Variants in ELAPOR2 observed in about 807,000 individuals in gnomAD.
The protein encoded by ELAPOR2 is endosome-lysosome associated apoptosis and autophagy regulator family member 2.
Under a neutral mutation model 120.7 loss-of-function variants are expected in ELAPOR2, and 89 were observed. The ratio of observed to expected loss-of-function variants is 0.74; its 90% CI spans 0.62 to 0.88. The LOEUF (loss-of-function observed/expected upper bound fraction) is 0.88, where lower values mean the gene tolerates loss of function less well. ELAPOR2 is among the 40% of genes least tolerant of loss of function. The pLI is 0.00. For missense variants in ELAPOR2, 1,134 were observed against 1,251.6 expected (o/e 0.91, Z 1.42); for synonymous variants, 444 against 444.9 (o/e 1.00, Z 0.03).
At chr7:86,948,197 A>G (rs1334443948) in intron 2 of ELAPOR2, among the ~76,000 whole-genome samples, 1 of 152,072 alleles carries the variant, frequency 6.6e-6, no homozygotes. Context: ...CTTCTTTCCT[A>G]CAAGATAGAT....
intron 1 of ELAPOR2, among the ~76,000 whole-genome samples, chr7:87,017,805 C>T (rs1246579921): frequency 2.6e-5 from 4 of 152,068 alleles, no homozygotes; most frequent in African/African-American, 7.2e-5. Context: ...CCTGTAGTCC[C>T]AGCTACTCAG....
intron 1 of ELAPOR2, among the ~76,000 whole-genome samples, chr7:86,990,300 G>A (rs990675835): frequency 1.3e-5 from 2 of 151,952 alleles, no homozygotes; most frequent in African/African-American, 4.8e-5. Flanking sequence ...TGCCTGCCTC[G>A]GCCTCCCAAA....
At chr7:87,039,464 T>C (rs1450253952) in intron 1 of ELAPOR2, among the ~76,000 whole-genome samples, 3 of 152,092 alleles carry the variant, frequency 2.0e-5, no homozygotes, top group Non-Finnish European at 2.9e-5. Context: ...TAAAAAAAAC[T>C]ACAGGCCAAT....
chr7:86,884,800 T>G (rs536630704), intron 21 of ELAPOR2, among the ~76,000 whole-genome samples: 2 of 152,090 alleles, frequency 1.3e-5, no homozygotes, highest in South Asian at 4.1e-4. Context: ...ACTCAATGAC[T>G]GTTTGGTAAG....
intron 15 of ELAPOR2, among the ~76,000 whole-genome samples, chr7:86,910,286 C>A (rs1043448279): frequency 8.5e-5 from 13 of 152,076 alleles, no homozygotes; most frequent in African/African-American, 3.1e-4. Flanking sequence ...AAATGAAAGT[C>A]ATCAAACTTG....
chr7:86,933,331 C>T (rs535317720), intron 8 of ELAPOR2, among the ~76,000 whole-genome samples: 1 of 151,956 alleles, frequency 6.6e-6, no homozygotes, highest in South Asian at 2.1e-4. Context: ...TAACTCTTGC[C>T]CAGTGTCACT....
At chr7:86,970,427 T>C (rs942707914) in intron 1 of ELAPOR2, among the ~76,000 whole-genome samples, 1 of 152,216 alleles carries the variant, frequency 6.6e-6, no homozygotes, top group African/African-American at 2.4e-5. Flanking sequence ...AACCTTGTAT[T>C]TGATGAGACC....
intron 21 of ELAPOR2, among the ~76,000 whole-genome samples, chr7:86,886,423 A>G (rs771445004): frequency 5.3e-5 from 8 of 152,090 alleles, no homozygotes; most frequent in Non-Finnish European, 1.2e-4. Context: ...CATAATGACA[A>G]CTTTGTGATA....
At chr7:86,921,214 C>A (rs1402077469) in intron 10 of ELAPOR2, among the ~76,000 whole-genome samples, 1 of 152,070 alleles carries the variant, frequency 6.6e-6, no homozygotes, top group African/African-American at 2.4e-5. Context: ...ATCTCCACCA[C>A]CAATACCCAT....
intron 5 of ELAPOR2, chr7:86,941,413 T>C (rs1562934595): frequency 5.7e-6 from 3 of 523,320 alleles, no homozygotes; most frequent in Non-Finnish European, 8.0e-6. Context: ...GTTACTTTAC[T>C]TCATGTAACC....
chr7:86,884,418 T>C (rs1429923704), intron 21 of ELAPOR2, among the ~76,000 whole-genome samples: 1 of 152,170 alleles, frequency 6.6e-6, no homozygotes, highest in Non-Finnish European at 1.5e-5. Context: ...AAGTTTGAAC[T>C]GCACAGGCCT....
intron 1 of ELAPOR2, among the ~76,000 whole-genome samples, chr7:87,016,688 T>C (rs1171261042): frequency 6.7e-6 from 1 of 149,498 alleles, no homozygotes; most frequent in Non-Finnish European, 1.5e-5. Context: ...TAATATATAA[T>C]ATAACATAAC....
intron 2 of ELAPOR2, among the ~76,000 whole-genome samples, chr7:86,951,378 T>C (rs1258445967): frequency 6.6e-6 from 1 of 152,250 alleles, no homozygotes; most frequent in Non-Finnish European, 1.5e-5. Flanking sequence ...TATGTTGTTA[T>C]AAAGAACTCT....
intron 1 of ELAPOR2, among the ~76,000 whole-genome samples, chr7:87,028,327 G>A (rs982612677): frequency 6.6e-6 from 1 of 151,796 alleles, no homozygotes; most frequent in African/African-American, 2.4e-5. Context: ...CCTCTCACTA[G>A]ATCTAACAAC....
At chr7:87,006,564 G>C (rs1217884357) in intron 1 of ELAPOR2, among the ~76,000 whole-genome samples, 1 of 152,014 alleles carries the variant, frequency 6.6e-6, no homozygotes, top group African/African-American at 2.4e-5. Context: ...GAAAACTCAG[G>C]ATGTGGACAA....
chr7:86,913,003 T>C lies in ELAPOR2; in HGVS notation c.1933A>G (p.Ile645Val). 2 of 1,614,086 alleles carry C rather than the reference T, an allele frequency of 1.2e-6. No homozygotes were observed. Among genetic ancestry groups the C allele is most frequent in the Non-Finnish European group, 1.7e-6 (2 of 1,179,982 alleles). The change falls in exon 14 of 22, where the codon ATA (isoleucine) becomes GTA (valine). Residue 645 changes from isoleucine to valine, a missense_variant. Transcript: ENST00000450689. ...GCCTCTTTGCCATAGACCTGATGTATGGACAGGTAGGTGTCAGGTGGACAT... is the reference window on the plus strand; with the variant it reads ...GCCTCTTTGCCATAGACCTGATGTACGGACAGGTAGGTGTCAGGTGGACAT... Reference protein sequence around the residue: ...KECPPDTYLSIHQVYGKEACI... With the variant: ...KECPPDTYLSVHQVYGKEACI...
At position 86,908,349 on chromosome 7, in the gene ELAPOR2, T is replaced by C. The variant is rs572043506; in HGVS notation, c.2456+98A>G. The C allele has an allele frequency of 9.1e-6, 6 of 660,406 alleles. No homozygotes were observed. In the African/African-American group the frequency reaches 1.2e-4, roughly 13 times the overall value. The allele number at this position is 660,406 out of a possible 1,614,324, so 40.9% of individuals were successfully genotyped here. A position where few individuals can be genotyped will look rare whatever the true frequency, so the allele number is the denominator to read the frequency against. On this transcript the variant is annotated intron_variant, in intron 17 of 21. Coordinates refer to ENST00000450689, the MANE Select transcript of ELAPOR2 (RefSeq NM_001142749.3). ...TAAGAACTCACATCTGGTATATGAT[T>C]ACATACCCATAATTATAAATATATG...
intron 1 of ELAPOR2, among the ~76,000 whole-genome samples, chr7:87,025,205 T>C (rs1464762950): frequency 6.6e-6 from 1 of 152,124 alleles, no homozygotes; most frequent in Non-Finnish European, 1.5e-5. Context: ...AGTCATCTGT[T>C]GGCAGATTCA....
rs574528757 is a variant in ELAPOR2, at chr7:87,018,481, T to C, written c.189+40844A>G. Reference sequence around the variant, plus strand: ...TAATAAAGGCAAATGATTTGGATTGTCTAAGAAATGAGGCATTCTAGCTAG... The same window carrying C: ...TAATAAAGGCAAATGATTTGGATTGCCTAAGAAATGAGGCATTCTAGCTAG... On this transcript the variant is annotated intron_variant, in intron 1 of 21. Coordinates refer to ENST00000450689, the MANE Select transcript of ELAPOR2 (RefSeq NM_001142749.3). Among the ~76,000 whole-genome samples, 8 of 152,330 alleles carry C rather than the reference T, an allele frequency of 5.3e-5. No homozygotes were observed. The East Asian group carries it at 9.6e-4, about 18-fold the overall frequency.
Sources: gnomAD v4.1 joint callset for allele counts (sites outside exome capture counted in the v4.1 genomes callset) on GRCh38, gnomAD v4.1.1 for gene constraint, MANE v1.5 for transcripts, NCBI Gene and HGNC (gene_info 2026-07-23, HGNC 2026-07-21) for gene names.